The following LTBP1 variants were observed in gnomAD, a reference collection of about 807,000 sequenced individuals.
LTBP1 encodes the protein latent-transforming growth factor beta-binding protein 1.
In LTBP1, 129 loss-of-function variants were observed where a neutral mutation model predicts 207.6. The ratio of observed to expected loss-of-function variants is 0.62; its 90% CI spans 0.54 to 0.72. LTBP1 has a LOEUF of 0.72. Among genes scored for constraint, LTBP1 ranks in the 30% least tolerant of loss-of-function variants. The pLI, the probability that LTBP1 is intolerant of heterozygous loss-of-function variation, is 0.00. For synonymous variants in LTBP1, 963 were observed against 833.7 expected (o/e 1.16, Z -2.67); for missense variants, 2,281 against 2,217.2 (o/e 1.03, Z -0.58).
chr2:33,219,456 C>T (rs926613887), intron 8 of LTBP1, among the ~76,000 whole-genome samples: 1 of 152,170 alleles, frequency 6.6e-6, no homozygotes, highest in Admixed American at 6.5e-5. Flanking sequence ...CTGAGTTCGA[C>T]TCCCAGCTCT....
At chr2:33,233,356 A>G (rs2091890741) in intron 9 of LTBP1, among the ~76,000 whole-genome samples, 1 of 152,046 alleles carries the variant, frequency 6.6e-6, no homozygotes, top group African/African-American at 2.4e-5. Flanking sequence ...TTCATTTCCA[A>G]GGTTTCTAAT....
intron 13 of LTBP1, 74 bp downstream of exon 13, chr2:33,259,684 T>C: frequency 7.1e-7 from 1 of 1,398,708 alleles, no homozygotes. Context: ...ATGTATGGAT[T>C]TTTTAGACTT....
At chr2:33,088,383 C>T (rs1378343859) in intron 3 of LTBP1, among the ~76,000 whole-genome samples, 3 of 151,592 alleles carry the variant, frequency 2.0e-5, no homozygotes, top group African/African-American at 4.9e-5. Flanking sequence ...ACCCGGGAGG[C>T]GGAGGTTGCG....
intron 5 of LTBP1, among the ~76,000 whole-genome samples, chr2:33,177,613 A>T (rs6543694): frequency 0.079 from 11,942 of 151,570 alleles, 993 homozygotes; most frequent in African/African-American, 0.21. Context: ...CATTGCGGTG[A>T]GCCGAGATCA....
chr2:33,198,410 C>T (rs1401252072), intron 7 of LTBP1, among the ~76,000 whole-genome samples: 1 of 152,198 alleles, frequency 6.6e-6, no homozygotes, highest in African/African-American at 2.4e-5. Context: ...ATGCTGGCCT[C>T]ATAAAATGAG....
chr2:33,187,180 C>T, intron 6 of LTBP1, 100 bp downstream of exon 6: 1 of 945,940 alleles, frequency 1.1e-6, no homozygotes, highest in Non-Finnish European at 1.6e-6. Context: ...GGTATTGAAA[C>T]AGAAAGGAGT....
chr2:33,224,589 G>C (rs2091327418), intron 9 of LTBP1, among the ~76,000 whole-genome samples: 3 of 152,098 alleles, frequency 2.0e-5, no homozygotes, highest in Non-Finnish European at 4.4e-5. Flanking sequence ...AAGTGTTTCG[G>C]TTATGGAGCA....
At chr2:33,300,399 A>T (rs2093964569) in intron 20 of LTBP1, 52 bp from the exon 21 acceptor site, 1 of 1,594,960 alleles carries the variant, frequency 6.3e-7, no homozygotes, top group Non-Finnish European at 8.6e-7. Context: ...GGAGCACTGC[A>T]TTCTCCTGGG....
chr2:33,335,609 G>C (rs905923464), intron 24 of LTBP1, among the ~76,000 whole-genome samples: 1 of 152,024 alleles, frequency 6.6e-6, no homozygotes, highest in Admixed American at 6.6e-5. Flanking sequence ...TTTAGGCCTT[G>C]TGCTCATCTT....
At chr2:33,391,189 G>C (rs1026318178) in intron 32 of LTBP1, among the ~76,000 whole-genome samples, 2 of 151,928 alleles carry the variant, frequency 1.3e-5, no homozygotes, top group African/African-American at 4.8e-5. Context: ...ACACGCCTGT[G>C]TAACTCCCAC....
chr2:32,952,703 C>T (rs1474625388), intron 2 of LTBP1, among the ~76,000 whole-genome samples: 2 of 152,076 alleles, frequency 1.3e-5, no homozygotes, highest in African/African-American at 4.8e-5. Context: ...TTCTGCCAGT[C>T]TTTTTGCCCC....
At chr2:33,331,207 A>G (rs964301544) in intron 24 of LTBP1, among the ~76,000 whole-genome samples, 10 of 150,996 alleles carry the variant, frequency 6.6e-5, no homozygotes, top group Non-Finnish European at 1.5e-4. Flanking sequence ...TTTGTTTTCT[A>G]TTTTATTAAT....
intron 31 of LTBP1, among the ~76,000 whole-genome samples, chr2:33,373,766 A>G (rs893059298): frequency 1.3e-5 from 2 of 152,150 alleles, no homozygotes; most frequent in African/African-American, 2.4e-5. Context: ...AATGCCTACT[A>G]TGTACTAGGC....
chr2:33,021,861 C>T (rs958743653), intron 3 of LTBP1, among the ~76,000 whole-genome samples: 12 of 152,090 alleles, frequency 7.9e-5, no homozygotes, highest in African/African-American at 2.4e-4. Flanking sequence ...AGAAAGATTA[C>T]CCCGTTCTCT....
intron 7 of LTBP1, among the ~76,000 whole-genome samples, chr2:33,205,380 A>G (rs2089764645): frequency 6.6e-6 from 1 of 152,176 alleles, no homozygotes; most frequent in Non-Finnish European, 1.5e-5. Flanking sequence ...TTATGAATTG[A>G]TCTTAGAACT....
At chr2:33,122,841 C>T (rs1009456295) in intron 4 of LTBP1, among the ~76,000 whole-genome samples, 9 of 152,262 alleles carry the variant, frequency 5.9e-5, no homozygotes, top group Middle Eastern at 3.4e-3. Context: ...TCTCTTGAGA[C>T]GTCTATCTCC....
intron 5 of LTBP1, among the ~76,000 whole-genome samples, chr2:33,171,419 TGAAATGAAC>T (rs1255575328): frequency 6.2e-5 from 9 of 146,246 alleles, no homozygotes; most frequent in Non-Finnish European, 9.0e-5. Context: ...TGATGGAAGA[TGAAATGAAC>T]GAAATGAAGC....
At chr2:33,341,727 A>AT (rs1285574448) in intron 24 of LTBP1, among the ~76,000 whole-genome samples, 1,731 of 89,430 alleles carry the variant, frequency 0.019, 32 homozygotes, top group East Asian at 0.095. Flanking sequence ...AAAAAAAAAA[A>AT]AAATATATAT....
At chr2:33,077,253 T>C (rs1455942635) in intron 3 of LTBP1, among the ~76,000 whole-genome samples, 1 of 152,320 alleles carries the variant, frequency 6.6e-6, no homozygotes, top group African/African-American at 2.4e-5. Flanking sequence ...TAACTGGGAT[T>C]CCAAGGAATT....
Sources: gnomAD v4.1 joint callset for allele counts (sites outside exome capture counted in the v4.1 genomes callset) on GRCh38, gnomAD v4.1.1 for gene constraint, MANE v1.5 for transcripts, NCBI Gene and HGNC (gene_info 2026-07-23, HGNC 2026-07-21) for gene names.